Variants in CHN1 observed in about 807,000 individuals in gnomAD.
The protein encoded by CHN1 is N-chimaerin.
CHN1 carries 37 observed loss-of-function variants against 59.5 expected under a neutral mutation model. The observed-to-expected ratio is 0.62, with a 90% CI of 0.48 to 0.82. The LOEUF (loss-of-function observed/expected upper bound fraction) is 0.82. CHN1 is among the 40% of genes least tolerant of loss of function. The pLI is 0.00. For missense variants in CHN1, 469 were observed against 571.0 expected, an observed-to-expected ratio of 0.82 and a Z score of 1.82; for synonymous variants, 206 against 200.4, an observed-to-expected ratio of 1.03 and a Z score of -0.24.
chr2:174,804,352 G>A (rs1165678397), intron 11 of CHN1, among the ~76,000 whole-genome samples: 1 of 152,126 alleles, frequency 6.6e-6, no homozygotes, highest in Non-Finnish European at 1.5e-5. Flanking sequence ...GGGCAACAGG[G>A]CACTCAATCA....
At chr2:174,961,729 T>TAGCA (rs1690417518) in intron 1 of CHN1, among the ~76,000 whole-genome samples, 4 of 152,204 alleles carry the variant, frequency 2.6e-5, no homozygotes, top group African/African-American at 9.6e-5. Flanking sequence ...CAAATCTCTT[T>TAGCA]AATGTCTAGC....
chr2:174,964,250 G>A lies in CHN1; in HGVS notation c.20-12048C>T, dbSNP rs138280818. 4.0e-3 allele frequency among the ~76,000 whole-genome samples: 611 copies of A among 152,242 alleles called. 3 individuals carry two copies. Among genetic ancestry groups the A allele is most frequent in the South Asian group, 0.02 (97 of 4,812 alleles). On this transcript the variant is annotated intron_variant, in intron 1 of 12. Coordinates refer to ENST00000409900, the MANE Select transcript of CHN1 (RefSeq NM_001822.7). Reference sequence around the variant, plus strand: ...GTTTTCTTAGTTCTCCCAAGTATGGGAGATAACAAACTCTTTCTGGAAGCA... The same window carrying A: ...GTTTTCTTAGTTCTCCCAAGTATGGAAGATAACAAACTCTTTCTGGAAGCA...
intron 1 of CHN1, among the ~76,000 whole-genome samples, chr2:175,002,422 A>T (rs1169178177): frequency 6.6e-6 from 1 of 152,250 alleles, no homozygotes; most frequent in African/African-American, 2.4e-5. Flanking sequence ...TTAACTATTC[A>T]GCTTAATTTA....
chr2:174,887,416 A>G (rs190220254), intron 5 of CHN1, among the ~76,000 whole-genome samples: 1 of 152,266 alleles, frequency 6.6e-6, no homozygotes, highest in Admixed American at 6.5e-5. Context: ...AATACTATCT[A>G]ATACTTTTTG....
intron 5 of CHN1, among the ~76,000 whole-genome samples, chr2:174,905,774 G>T (rs967082351): frequency 1.3e-5 from 2 of 151,850 alleles, no homozygotes; most frequent in Non-Finnish European, 2.9e-5. Flanking sequence ...TAGCCAGGAT[G>T]GTCTCGATCT....
At chr2:174,880,454 T>C (rs955424184) in intron 5 of CHN1, among the ~76,000 whole-genome samples, 3 of 152,168 alleles carry the variant, frequency 2.0e-5, no homozygotes, top group Non-Finnish European at 2.9e-5. Context: ...TATTGTGCTT[T>C]GTGGGATTAG....
At chr2:174,840,323 C>T (rs557885520) in intron 7 of CHN1, among the ~76,000 whole-genome samples, 1 of 151,874 alleles carries the variant, frequency 6.6e-6, no homozygotes, top group South Asian at 2.1e-4. Context: ...CAATATCATA[C>T]CCAGCTAATG....
rs1381598557 is a variant in CHN1, at chr2:174,799,858, T to C, written c.*258A>G. 16 of 589,816 alleles carry C rather than the reference T, an allele frequency of 2.7e-5. No homozygotes were observed. The East Asian group carries it at 3.5e-4, about 13-fold the overall frequency. The allele number at this position is 589,816 out of a possible 1,614,324, so 36.5% of individuals were successfully genotyped here. A position where few individuals can be genotyped will look rare whatever the true frequency, so the allele number is the denominator to read the frequency against. On this transcript the variant is annotated 3_prime_UTR_variant, in exon 13 of 13. Transcript: ENST00000409900. ...TTCTGTATGGGGTTTCCTTGCCAGA[T>C]AGGGGGCTAATCATGCAATAGCTTG...
chr2:174,835,457 T>C (rs1006474287), intron 7 of CHN1, among the ~76,000 whole-genome samples: 10 of 152,182 alleles, frequency 6.6e-5, no homozygotes, highest in African/African-American at 2.4e-4. Flanking sequence ...TTGGTCACTA[T>C]AGCTTTAAAT....
intron 1 of CHN1, among the ~76,000 whole-genome samples, chr2:174,957,451 G>T (rs1275336306): frequency 1.4e-5 from 2 of 141,910 alleles, no homozygotes; most frequent in Non-Finnish European, 3.1e-5. Flanking sequence ...TGTGTTGGGG[G>T]GGGGGGCAGT....
At chr2:174,865,683 G>T (rs932891458) in intron 6 of CHN1, among the ~76,000 whole-genome samples, 8 of 152,140 alleles carry the variant, frequency 5.3e-5, no homozygotes, top group Non-Finnish European at 8.8e-5. Context: ...AATGTTCTAA[G>T]GCCAAAGGGA....
intron 5 of CHN1, among the ~76,000 whole-genome samples, chr2:174,883,590 T>A (rs1687801808): frequency 6.6e-6 from 1 of 152,242 alleles, no homozygotes; most frequent in South Asian, 2.1e-4. Context: ...TATGCTTCAA[T>A]ATGAGCAGTC....
At chr2:174,956,765 C>T (rs1221094839) in intron 1 of CHN1, among the ~76,000 whole-genome samples, 4 of 128,110 alleles carry the variant, frequency 3.1e-5, no homozygotes, top group Admixed American at 1.7e-4. Flanking sequence ...GAGCAAGACT[C>T]CATCTCAAAA....
intron 3 of CHN1, chr2:174,921,031 A>G (rs753962262): frequency 3.1e-5 from 13 of 416,080 alleles, no homozygotes; most frequent in South Asian, 2.0e-4. Flanking sequence ...CATGAGTCTA[A>G]TATGGCCGCT....
intron 8 of CHN1, among the ~76,000 whole-genome samples, chr2:174,822,524 C>T (rs1685532454): frequency 1.3e-5 from 2 of 152,160 alleles, no homozygotes; most frequent in Non-Finnish European, 2.9e-5. Context: ...TACACCCTTA[C>T]TCATGAAAGA....
chr2:174,912,900 A>G (rs958477030), intron 5 of CHN1, among the ~76,000 whole-genome samples: 2 of 152,166 alleles, frequency 1.3e-5, no homozygotes, highest in Non-Finnish European at 2.9e-5. Context: ...TTTCAGTAAC[A>G]AAAGAAAGAC....
intron 5 of CHN1, among the ~76,000 whole-genome samples, chr2:174,883,421 C>T (rs1282127065): frequency 2.6e-5 from 4 of 152,170 alleles, no homozygotes; most frequent in African/African-American, 7.2e-5. Flanking sequence ...ATGAGGCTAT[C>T]GGAAGGCTTG....
At chr2:174,923,872 A>T (rs1001864338) in intron 3 of CHN1, among the ~76,000 whole-genome samples, 4 of 152,224 alleles carry the variant, frequency 2.6e-5, no homozygotes, top group African/African-American at 9.6e-5. Flanking sequence ...AATTAAAGGA[A>T]ATTAGGTAAG....
intron 5 of CHN1, among the ~76,000 whole-genome samples, chr2:174,879,096 A>C (rs1016611409): frequency 3.9e-5 from 6 of 152,224 alleles, no homozygotes; most frequent in Non-Finnish European, 7.3e-5. Context: ...AAAACTAAAC[A>C]AGTCACAAAG....
Sources: allele counts gnomAD v4.1 joint callset (sites outside exome capture counted in the v4.1 genomes callset), GRCh38; gene constraint gnomAD v4.1.1; transcripts MANE v1.5; gene names NCBI Gene and HGNC (gene_info 2026-07-23, HGNC 2026-07-21).